MAP4K3: variants seen among roughly 807,000 people sequenced by gnomAD.
The protein encoded by MAP4K3 is mitogen-activated protein kinase kinase kinase kinase 3, also known as MAPK/ERK kinase kinase kinase 3.
In MAP4K3, 94 loss-of-function variants were observed where a neutral mutation model predicts 143.5. The ratio of observed to expected loss-of-function variants is 0.65; its 90% confidence interval spans 0.55 to 0.78. The LOEUF (loss-of-function observed/expected upper bound fraction) is 0.78. Among genes scored for constraint, MAP4K3 ranks in the 30% least tolerant of loss-of-function variants. MAP4K3 has a pLI of 0.00. For missense variants in MAP4K3, 1,077 were observed against 1,068.1 expected, an observed-to-expected ratio of 1.01 and a Z score of -0.12; for synonymous variants, 416 against 347.2, an observed-to-expected ratio of 1.20 and a Z score of -2.20.
chr2:39,282,401 T>C (rs577267782), intron 22 of MAP4K3, 112 bp downstream of exon 22: 682 of 852,828 alleles, frequency 8.0e-4, no homozygotes, highest in Non-Finnish European at 1.1e-3. Context: ...TCTTATAGAT[T>C]TTTTTTCAAT....
At chr2:39,380,346 C>T (rs994577158) in intron 1 of MAP4K3, among the ~76,000 whole-genome samples, 4 of 152,080 alleles carry the variant, frequency 2.6e-5, no homozygotes, top group Admixed American at 1.3e-4. Context: ...GAATCTTGGT[C>T]TTCTGCCTAA....
At chr2:39,394,621 C>T (rs1042319408) in intron 1 of MAP4K3, among the ~76,000 whole-genome samples, 1 of 152,146 alleles carries the variant, frequency 6.6e-6, no homozygotes, top group African/African-American at 2.4e-5. Context: ...TGAGCTCACT[C>T]AGTCAGCCAA....
chr2:39,271,049 G>T (rs1573077320), intron 26 of MAP4K3, among the ~76,000 whole-genome samples: 1 of 151,890 alleles, frequency 6.6e-6, no homozygotes, highest in Admixed American at 6.6e-5. Flanking sequence ...CATGGGGAAA[G>T]GTTGTATAAT....
At chr2:39,421,368 A>ATTTTTTTT (rs59291407) in intron 1 of MAP4K3, among the ~76,000 whole-genome samples, 1 of 85,364 alleles carries the variant, frequency 1.2e-5, no homozygotes, top group Non-Finnish European at 2.4e-5. Flanking sequence ...TGACTTGGGC[A>ATTTTTTTT]TTTTTTTTTT....
rs72929202 is a variant in MAP4K3 at position 39,402,230 on chromosome 2, T to C, written c.97-24107A>G. Among the ~76,000 whole-genome samples, 947 of 152,250 alleles carry C rather than the reference T, an allele frequency of 6.2e-3. 10 individuals are homozygous for C. Among genetic ancestry groups the C allele is most frequent in the African/African-American group, 0.022 (905 of 41,562 alleles). ...TTAGTGAACTTGAAGAAAACGGTAA[T>C]AGAAACTACAGTCTTTTCTCTGTCT... On this transcript the variant is annotated intron_variant, in intron 1 of 33. Transcript: ENST00000263881.
chr2:39,375,701 G>T (rs930304878), intron 2 of MAP4K3, among the ~76,000 whole-genome samples: 46 of 152,258 alleles, frequency 3.0e-4, no homozygotes, highest in Admixed American at 3.0e-3. Flanking sequence ...TTACCAAGTT[G>T]TACAACCATC....
intron 4 of MAP4K3, among the ~76,000 whole-genome samples, chr2:39,340,579 G>A (rs1009173941): frequency 1.3e-5 from 2 of 152,090 alleles, no homozygotes; most frequent in African/African-American, 4.8e-5. Flanking sequence ...TTTCTGTAAC[G>A]AAACTGGTCT....
chr2:39,274,530 A>G (rs921611622), intron 24 of MAP4K3, among the ~76,000 whole-genome samples: 2 of 152,092 alleles, frequency 1.3e-5, no homozygotes, highest in Admixed American at 6.5e-5. Flanking sequence ...CTGAATTTTC[A>G]TTTTTAACAA....
At chr2:39,431,955 T>C (rs1185670519) in intron 1 of MAP4K3, among the ~76,000 whole-genome samples, 1 of 152,086 alleles carries the variant, frequency 6.6e-6, no homozygotes, top group Non-Finnish European at 1.5e-5. Context: ...CAGAGGTCGG[T>C]TGTGCAATTA....
At chr2:39,252,340 T>G (rs1680183614) in intron 32 of MAP4K3, among the ~76,000 whole-genome samples, 1 of 152,240 alleles carries the variant, frequency 6.6e-6, no homozygotes, top group Admixed American at 6.5e-5. Flanking sequence ...TCCCACTTAC[T>G]GGGCAACGTA....
rs201933119 is a variant in MAP4K3 at position 39,272,542 on chromosome 2, G to A, written c.1795C>T (p.Leu599=). 3.0e-5 allele frequency: 48 copies of A among 1,612,398 alleles called. No individual in the cohort carries two copies. The East Asian group carries it at 1.0e-3, about 34-fold the overall frequency. ...AACCATGTACACCTTCGAGGGAATA[G>A]CTGATTAAAAAAAGGCACAAAGTTT... ...NELHETSMEQ[L]FPRRCTWLYV... is the part of the protein sequence containing the mutation. Residue 599 remains leucine (L), a splice_region_variant and synonymous_variant, in exon 25 of 34, where the codon CTA becomes TTA. Coordinates refer to ENST00000263881, the MANE Select transcript of MAP4K3 (RefSeq NM_003618.4).
Position 39,362,162 on chromosome 2 carries a change from C to T in MAP4K3, c.155-5823G>A, listed in dbSNP as rs139205809. On this transcript the variant is annotated intron_variant, in intron 2 of 33. Transcript: ENST00000263881. ...CTAGATATTATTTTGAAATAAGTAG[C>T]TCTTATTTAGAATTGATACATCTGG... Among the ~76,000 whole-genome samples the T allele has an allele frequency of 1.8e-4, 27 of 152,142 alleles. No individual in the cohort carries two copies. The East Asian group carries it at 5.2e-3, about 29-fold the overall frequency.
chr2:39,382,991 G>A (rs1666392696), intron 1 of MAP4K3, among the ~76,000 whole-genome samples: 1 of 152,192 alleles, frequency 6.6e-6, no homozygotes, highest in Admixed American at 6.5e-5. Context: ...CTTGGGGACA[G>A]AAAACACAGA....
At position 39,376,418 on chromosome 2, in the gene MAP4K3, A is replaced by C. The variant is rs574031097; in HGVS notation, c.154+1648T>G. Among the ~76,000 whole-genome samples, 4 of 152,298 alleles carry C rather than the reference A, an allele frequency of 2.6e-5. No homozygotes were observed. The South Asian group carries it at 8.3e-4, about 32-fold the overall frequency. On this transcript the variant is annotated intron_variant, in intron 2 of 33. Transcript: ENST00000263881. ...TAGTTGTATATTCTACTTTTATTAC[A>C]TTGATCAATATACACATGGCAGTGT...
intron 21 of MAP4K3, 97 bp downstream of exon 21, chr2:39,286,755 T>C (rs1573097540): frequency 2.1e-6 from 1 of 482,426 alleles, no homozygotes; most frequent in East Asian, 3.2e-5. Flanking sequence ...TTGTAAAATA[T>C]ACTAGTGCTA....
At chr2:39,372,594 T>C (rs187278949) in intron 2 of MAP4K3, among the ~76,000 whole-genome samples, 273 of 151,078 alleles carry the variant, frequency 1.8e-3, no homozygotes, top group African/African-American at 6.3e-3. Context: ...AACAGATACA[T>C]AGATCAGTGA....
chr2:39,318,434 T>G (rs904299081), intron 12 of MAP4K3, among the ~76,000 whole-genome samples: 2 of 152,062 alleles, frequency 1.3e-5, no homozygotes, highest in Admixed American at 6.6e-5. Flanking sequence ...TTTTTCAAGA[T>G]CACTAATAAA....
intron 33 of MAP4K3, 107 bp from the exon 34 acceptor site, chr2:39,250,812 T>C: frequency 1.2e-6 from 1 of 801,024 alleles, no homozygotes; most frequent in South Asian, 1.6e-5. Context: ...TAAATGCTGC[T>C]CATTTGATCG....
rs746173800 is a variant in MAP4K3, at chr2:39,292,817, G to C, written c.1227C>G (p.Val409=). The change falls in exon 18 of 34, where the codon GTC becomes GTG. Residue 409 remains valine, a synonymous_variant. Coordinates refer to ENST00000263881, the MANE Select transcript of MAP4K3 (RefSeq NM_003618.4). The part of the protein sequence containing the change: ...VEEELHQRGH[V]AHLEDDEGDD... ...CTCCTTCATCATCTTCTAAATGTGC[G>C]ACGTGTCCTCTAAATAAAAAGGATA... 6 of 1,611,928 alleles carry C rather than the reference G, an allele frequency of 3.7e-6. No individual in the cohort carries two copies. The highest frequency in any genetic ancestry group is 5.1e-6 in the Non-Finnish European group (6 of 1,178,288).
Sources: allele counts gnomAD v4.1 joint callset (sites outside exome capture counted in the v4.1 genomes callset), GRCh38; gene constraint gnomAD v4.1.1; transcripts MANE v1.5; gene names NCBI Gene and HGNC (gene_info 2026-07-23, HGNC 2026-07-21).